The following AUTS2 variants were observed in gnomAD, a reference collection of about 807,000 sequenced individuals.
The protein encoded by AUTS2 is autism susceptibility gene 2 protein.
Under a neutral mutation model 112.4 loss-of-function variants are expected in AUTS2, and 17 were observed. The observed-to-expected ratio is 0.15, with a 90% confidence interval of 0.10 to 0.23. The LOEUF is 0.23. AUTS2 is among the 10% of genes least tolerant of loss of function. The pLI, the probability that AUTS2 is intolerant of heterozygous loss-of-function variation, is 1.00. For missense variants in AUTS2, 1,510 were observed against 1,701.6 expected (o/e 0.89, Z 1.98); for synonymous variants, 751 against 702.7 (o/e 1.07, Z -1.09).
intron 4 of AUTS2, among the ~76,000 whole-genome samples, chr7:70,340,195 C>A (rs138050100): frequency 6.6e-6 from 1 of 150,482 alleles, no homozygotes; most frequent in African/African-American, 2.5e-5. Flanking sequence ...CACACACACA[C>A]CCCGTAATAA....
intron 4 of AUTS2, among the ~76,000 whole-genome samples, chr7:70,148,797 T>C (rs1213193384): frequency 6.6e-6 from 1 of 152,106 alleles, no homozygotes; most frequent in African/African-American, 2.4e-5. Context: ...TTACAACTTT[T>C]AAAAGTGAAA....
chr7:69,955,009 C>G (rs187680401), intron 2 of AUTS2, among the ~76,000 whole-genome samples: 3 of 152,178 alleles, frequency 2.0e-5, no homozygotes, highest in Admixed American at 6.5e-5. Flanking sequence ...TTCTGTAACA[C>G]CATGTGAATT....
chr7:70,145,260 A>G (rs1807069306), intron 4 of AUTS2, among the ~76,000 whole-genome samples: 1 of 152,120 alleles, frequency 6.6e-6, no homozygotes. Context: ...GAGTTTTGAG[A>G]CAACCTGTGG....
chr7:70,147,672 A>T (rs987507780), intron 4 of AUTS2, among the ~76,000 whole-genome samples: 2 of 152,124 alleles, frequency 1.3e-5, no homozygotes, highest in Non-Finnish European at 1.5e-5. Flanking sequence ...GTGTACCAAG[A>T]ATGTTAATTT....
chr7:70,686,271 C>T (rs1379950477), intron 5 of AUTS2, among the ~76,000 whole-genome samples: 1 of 152,180 alleles, frequency 6.6e-6, no homozygotes, highest in Non-Finnish European at 1.5e-5. Context: ...GTTCCAAGTG[C>T]TTTACATACA....
rs1055377033 is a variant in AUTS2 at position 70,485,012 on chromosome 7, G to A, written c.690+49231G>A. ...TGTTGCCGTGGTTGTGGTAAAAAGGGAACACTTCTACACTGCTGATGGGAA... is the reference window on the plus strand; with the variant it reads ...TGTTGCCGTGGTTGTGGTAAAAAGGAAACACTTCTACACTGCTGATGGGAA... On this transcript the variant is annotated intron_variant, in intron 5 of 18. Coordinates refer to ENST00000342771, the MANE Select transcript of AUTS2 (RefSeq NM_015570.4). 5.3e-5 allele frequency among the ~76,000 whole-genome samples: 8 copies of A among 152,152 alleles called. No individual in the cohort carries two copies. The South Asian group carries it at 6.2e-4, about 12-fold the overall frequency.
intron 2 of AUTS2, among the ~76,000 whole-genome samples, chr7:69,988,702 G>T (rs747842792): frequency 6.6e-6 from 1 of 152,202 alleles, no homozygotes; most frequent in Non-Finnish European, 1.5e-5. Context: ...TGCTCACTTT[G>T]CAGGATTTCA....
At chr7:69,610,118 G>A (rs983740088) in intron 1 of AUTS2, among the ~76,000 whole-genome samples, 1 of 152,216 alleles carries the variant, frequency 6.6e-6, no homozygotes, top group Non-Finnish European at 1.5e-5. Context: ...CAGCAGCCAT[G>A]GAATGTATTA....
At chr7:69,936,069 A>G (rs559398070) in intron 2 of AUTS2, among the ~76,000 whole-genome samples, 3 of 152,352 alleles carry the variant, frequency 2.0e-5, no homozygotes, top group African/African-American at 4.8e-5. Flanking sequence ...TCACAAGACC[A>G]CAGGTTGGAA....
intron 4 of AUTS2, among the ~76,000 whole-genome samples, chr7:70,162,433 G>A (rs1281429128): frequency 2.9e-5 from 3 of 101,850 alleles, no homozygotes; most frequent in South Asian, 3.9e-4. Flanking sequence ...GCGACAGAGC[G>A]AGACTCCGTC....
chr7:70,488,650 C>G (rs1562987927), intron 5 of AUTS2, among the ~76,000 whole-genome samples: 1 of 152,090 alleles, frequency 6.6e-6, no homozygotes, highest in East Asian at 1.9e-4. Flanking sequence ...TCCTCATGGG[C>G]CAGCCTGAAT....
chr7:70,072,287 A>G (rs1802810388), intron 2 of AUTS2, among the ~76,000 whole-genome samples: 2 of 152,272 alleles, frequency 1.3e-5, no homozygotes, highest in Non-Finnish European at 2.9e-5. Context: ...CAGGCCTAGC[A>G]TGAGGCCTGA....
At chr7:69,643,010 G>T (rs995736994) in intron 1 of AUTS2, among the ~76,000 whole-genome samples, 3 of 152,116 alleles carry the variant, frequency 2.0e-5, no homozygotes, top group Non-Finnish European at 4.4e-5. Flanking sequence ...TCACTTACAC[G>T]CTTGACTATG....
intron 4 of AUTS2, among the ~76,000 whole-genome samples, chr7:70,205,997 A>T (rs1185855723): frequency 6.6e-6 from 1 of 152,220 alleles, no homozygotes; most frequent in African/African-American, 2.4e-5. Flanking sequence ...ATAGAGGATT[A>T]GATTCAGAAT....
In AUTS2 at chr7:70,261,472, T is replaced by C. The variant is rs898919950; in HGVS notation, c.660+126901T>C. Among the ~76,000 whole-genome samples the C allele has an allele frequency of 2.6e-5, 4 of 152,334 alleles. No individual in the cohort carries two copies. In the East Asian group the frequency reaches 5.8e-4, roughly 22 times the overall value. On this transcript the variant is annotated intron_variant, in intron 4 of 18. Transcript: ENST00000342771. ...TACTTCAAGTGGGTACATTTTTTCT[T>C]TTATGTGTATTATACCTCAAGTATA...
intron 1 of AUTS2, among the ~76,000 whole-genome samples, chr7:69,716,055 C>T (rs767853222): frequency 3.3e-5 from 5 of 152,112 alleles, no homozygotes; most frequent in Non-Finnish European, 5.9e-5. Context: ...AAATGGTCGC[C>T]AAATCCTTCT....
At chr7:70,503,053 T>A (rs1401788289) in intron 5 of AUTS2, among the ~76,000 whole-genome samples, 1 of 151,856 alleles carries the variant, frequency 6.6e-6, no homozygotes, top group Non-Finnish European at 1.5e-5. Flanking sequence ...CTCCCCAGGG[T>A]GGGGAGGAAA....
chr7:70,156,927 A>AAAAAAAAAAAAAAT (rs1807802830), intron 4 of AUTS2, among the ~76,000 whole-genome samples: 1 of 138,550 alleles, frequency 7.2e-6, no homozygotes, highest in East Asian at 2.2e-4. Context: ...AAAAAAAAAA[A>AAAAAAAAAAAAAAT]TTAGCTGGGC....
At chr7:70,135,172 GGATTA>G (rs1584773838) in intron 4 of AUTS2, among the ~76,000 whole-genome samples, 1 of 151,422 alleles carries the variant, frequency 6.6e-6, no homozygotes, top group Non-Finnish European at 1.5e-5. Flanking sequence ...GACCCTTCAG[GGATTA>G]TCACAATATT....
Sources: allele counts gnomAD v4.1 joint callset (sites outside exome capture counted in the v4.1 genomes callset), GRCh38; gene constraint gnomAD v4.1.1; transcripts MANE v1.5; gene names NCBI Gene and HGNC (gene_info 2026-07-23, HGNC 2026-07-21).